GRIA4: variants seen among roughly 807,000 people sequenced by gnomAD.
GRIA4 encodes glutamate ionotropic receptor AMPA type subunit 4.
Under a neutral mutation model 104.0 loss-of-function variants are expected in GRIA4, and 34 were observed. The observed-to-expected ratio is 0.33, with a 90% CI of 0.25 to 0.44. The LOEUF is 0.44. Among genes scored for constraint, GRIA4 ranks in the 20% least tolerant of loss-of-function variants. The pLI is 1.00. For synonymous variants in GRIA4, 386 were observed against 381.9 expected (o/e 1.01, Z -0.13); for missense variants, 750 against 1,096.5 (o/e 0.68, Z 4.46).
At chr11:105,966,661 T>G (rs1216583539) in intron 14 of GRIA4, among the ~76,000 whole-genome samples, 1 of 152,012 alleles carries the variant, frequency 6.6e-6, no homozygotes, top group Non-Finnish European at 1.5e-5. Context: ...CTCAGCTTTG[T>G]CTTCACTTCA....
chr11:105,845,463 G>A (rs564807634), intron 4 of GRIA4, among the ~76,000 whole-genome samples: 1 of 152,138 alleles, frequency 6.6e-6, no homozygotes, highest in Non-Finnish European at 1.5e-5. Flanking sequence ...AGTGGGAGGA[G>A]CATCAATGTT....
intron 3 of GRIA4, among the ~76,000 whole-genome samples, chr11:105,714,011 G>T (rs773415303): frequency 6.6e-6 from 1 of 152,048 alleles, no homozygotes; most frequent in African/African-American, 2.4e-5. Flanking sequence ...ACTTAGAGAC[G>T]CTTTGAGGCA....
At chr11:105,617,249 T>C (rs1451987654) in intron 3 of GRIA4, among the ~76,000 whole-genome samples, 1 of 150,710 alleles carries the variant, frequency 6.6e-6, no homozygotes, top group Non-Finnish European at 1.5e-5. Flanking sequence ...TATATGTGTG[T>C]GTGTATATAT....
At chr11:105,652,339 C>A (rs114509546) in intron 3 of GRIA4, among the ~76,000 whole-genome samples, 1 of 152,004 alleles carries the variant, frequency 6.6e-6, no homozygotes, top group Non-Finnish European at 1.5e-5. Flanking sequence ...TGGAAAGAAG[C>A]CCATCAGATC....
intron 14 of GRIA4, among the ~76,000 whole-genome samples, chr11:105,940,304 G>T (rs1479662063): frequency 1.3e-5 from 2 of 152,114 alleles, no homozygotes; most frequent in African/African-American, 4.8e-5. Context: ...GGAGGTTGCA[G>T]TGAGCCAAGA....
chr11:105,902,500 A>G (rs1441481435), intron 7 of GRIA4, among the ~76,000 whole-genome samples: 1 of 151,760 alleles, frequency 6.6e-6, no homozygotes, highest in African/African-American at 2.4e-5. Context: ...CGCCTGGCTA[A>G]TGTTTTGCAG....
chr11:105,646,013 T>C (rs1474980332), intron 3 of GRIA4, among the ~76,000 whole-genome samples: 1 of 152,108 alleles, frequency 6.6e-6, no homozygotes, highest in Non-Finnish European at 1.5e-5. Context: ...AAAAAATCAG[T>C]ATGGTCTTTG....
intron 13 of GRIA4, among the ~76,000 whole-genome samples, chr11:105,932,314 C>T (rs763732617): frequency 6.6e-6 from 1 of 151,728 alleles, no homozygotes; most frequent in Non-Finnish European, 1.5e-5. Context: ...AATTTTTGTA[C>T]TTTTAGTAGA....
chr11:105,776,666 T>C (rs958412299), intron 4 of GRIA4, among the ~76,000 whole-genome samples: 3 of 152,168 alleles, frequency 2.0e-5, no homozygotes, highest in Non-Finnish European at 1.5e-5. Context: ...GAGGTCTAGA[T>C]AGAAGTTCCT....
chr11:105,637,690 C>T (rs1951244049), intron 3 of GRIA4, among the ~76,000 whole-genome samples: 1 of 152,092 alleles, frequency 6.6e-6, no homozygotes, highest in African/African-American at 2.4e-5. Flanking sequence ...GTTTCAAGGA[C>T]AGAGAAATTT....
intron 3 of GRIA4, among the ~76,000 whole-genome samples, chr11:105,662,219 C>T (rs1952034366): frequency 6.6e-6 from 1 of 151,798 alleles, no homozygotes; most frequent in African/African-American, 2.4e-5. Flanking sequence ...GTATTTAACC[C>T]TTCTAAAAAT....
At chr11:105,650,062 TTGTC>T (rs1244536949) in intron 3 of GRIA4, among the ~76,000 whole-genome samples, 1 of 152,120 alleles carries the variant, frequency 6.6e-6, no homozygotes, top group Non-Finnish European at 1.5e-5. Flanking sequence ...ACATAAATAA[TTGTC>T]TGAAGAAAAG....
intron 3 of GRIA4, among the ~76,000 whole-genome samples, chr11:105,677,881 A>C (rs1010079118): frequency 2.0e-5 from 3 of 152,006 alleles, no homozygotes; most frequent in Admixed American, 1.3e-4. Context: ...CAGGTCACAG[A>C]GACTCTGTAG....
intron 14 of GRIA4, among the ~76,000 whole-genome samples, chr11:105,966,844 C>T (rs1300642224): frequency 2.0e-5 from 3 of 152,036 alleles, no homozygotes; most frequent in Non-Finnish European, 4.4e-5. Context: ...ATTTCTCACC[C>T]GATCTAAAAA....
rs149773880 is a variant in GRIA4, at chr11:105,766,860, C to A, written c.487+13640C>A. 1.8e-3 allele frequency among the ~76,000 whole-genome samples: 273 copies of A among 151,190 alleles called. 5 individuals are homozygous for A. In the East Asian group the frequency reaches 0.041, roughly 23 times the overall value. On this transcript the variant is annotated intron_variant, in intron 4 of 16. Transcript: ENST00000282499. The stretch of plus-strand genomic sequence containing the variant: ...CCACATGTGTAAGAAGACCTCACTG[C>A]TTCCCCTCCAAGACTGCTTAATGTT...
intron 6 of GRIA4, among the ~76,000 whole-genome samples, chr11:105,892,179 T>C (rs753675236): frequency 6.6e-6 from 1 of 152,108 alleles, no homozygotes; most frequent in Non-Finnish European, 1.5e-5. Context: ...ACAGCACCCG[T>C]CAGGGGGACC....
chr11:105,961,759 T>C (rs1324529871), intron 14 of GRIA4, among the ~76,000 whole-genome samples: 2 of 152,214 alleles, frequency 1.3e-5, no homozygotes, highest in East Asian at 3.8e-4. Flanking sequence ...GGATACTCAA[T>C]TAGTATAACT....
chr11:105,746,410 G>T (rs1164653497), intron 3 of GRIA4, among the ~76,000 whole-genome samples: 11 of 150,502 alleles, frequency 7.3e-5, no homozygotes, highest in Non-Finnish European at 1.5e-4. Context: ...GAAAATTCAG[G>T]TTTGGCTTTT....
At chr11:105,961,808 C>A (rs930373300) in intron 14 of GRIA4, among the ~76,000 whole-genome samples, 4 of 152,292 alleles carry the variant, frequency 2.6e-5, no homozygotes, top group East Asian at 1.9e-4. Context: ...TCCACTAACA[C>A]AATTACACAG....
Sources: gnomAD v4.1 joint callset for allele counts (sites outside exome capture counted in the v4.1 genomes callset) on GRCh38, gnomAD v4.1.1 for gene constraint, MANE v1.5 for transcripts, NCBI Gene and HGNC (gene_info 2026-07-23, HGNC 2026-07-21) for gene names.